Variants in CCDC201 observed in about 807,000 individuals in gnomAD.
CCDC201 encodes the protein coiled-coil domain-containing protein 201.
At chr7:45,863,398 T>TG (rs977115463) in intron 2 of CCDC201, among the ~76,000 whole-genome samples, 1 of 151,702 alleles carries the variant, frequency 6.6e-6, no homozygotes, top group African/African-American at 2.4e-5. Context: ...TATAGGTGAA[T>TG]GGGGTAAGGT....
intron 1 of CCDC201, among the ~76,000 whole-genome samples, chr7:45,868,740 C>T (rs1365695686): frequency 3.2e-4 from 48 of 152,226 alleles, no homozygotes; most frequent in Non-Finnish European, 2.1e-4. Context: ...TCCTCAACCA[C>T]CCTGCCCTCA....
chr7:45,864,280 G>A (rs1004706845), intron 2 of CCDC201, among the ~76,000 whole-genome samples: 3 of 152,286 alleles, frequency 2.0e-5, no homozygotes, highest in Non-Finnish European at 2.9e-5. Context: ...GCTGGGGGCC[G>A]CTGGGATGCT....
intron 2 of CCDC201, among the ~76,000 whole-genome samples, chr7:45,864,783 T>G (rs1425575610): frequency 1.3e-5 from 2 of 152,064 alleles, no homozygotes; most frequent in African/African-American, 4.8e-5. Flanking sequence ...GCAACTCTCC[T>G]AAAAAGTAGA....
the CCDC201 span, among the ~76,000 whole-genome samples, chr7:45,883,781 G>A: frequency 6.6e-6 from 1 of 152,056 alleles, no homozygotes; most frequent in Non-Finnish European, 1.5e-5. Context: ...AAGCTGCAGT[G>A]CATTTGTTAA....
upstream of CCDC201, among the ~76,000 whole-genome samples, chr7:45,876,249 A>C (rs1786798502): frequency 6.6e-6 from 1 of 152,196 alleles, no homozygotes; most frequent in Admixed American, 6.5e-5. Flanking sequence ...GGAAGAAAAC[A>C]GTAACTCAAA....
At chr7:45,875,369 C>A (rs1330643194), upstream of CCDC201, among the ~76,000 whole-genome samples, 1 of 148,118 alleles carries the variant, frequency 6.8e-6, no homozygotes, top group Non-Finnish European at 1.5e-5. Flanking sequence ...GTGGTGTGCA[C>A]TTGTAGTCCC....
At chr7:45,883,818 C>T in the CCDC201 span, among the ~76,000 whole-genome samples, 1 of 152,118 alleles carries the variant, frequency 6.6e-6, no homozygotes, top group Non-Finnish European at 1.5e-5. Flanking sequence ...TTTTCCCCCT[C>T]TACATCTTTG....
At chr7:45,884,533 C>T in the CCDC201 span, among the ~76,000 whole-genome samples, 1 of 152,188 alleles carries the variant, frequency 6.6e-6, no homozygotes, top group South Asian at 2.1e-4. Flanking sequence ...CCTGCCTGCT[C>T]CCCTGCCACT....
At chr7:45,867,291 T>A (rs1379154064) in intron 1 of CCDC201, among the ~76,000 whole-genome samples, 5 of 152,232 alleles carry the variant, frequency 3.3e-5, no homozygotes, top group African/African-American at 1.2e-4. Context: ...CTGGCCGATT[T>A]ACTACCAATG....
At chr7:45,884,101 CCTCT>C in the CCDC201 span, among the ~76,000 whole-genome samples, 135 of 114,230 alleles carry the variant, frequency 1.2e-3, no homozygotes, top group Non-Finnish European at 2.2e-3. Flanking sequence ...TTCTTTCTCT[CCTCT>C]CTCTCTTTCT....
intron 2 of CCDC201, among the ~76,000 whole-genome samples, chr7:45,864,777 C>G (rs1478021080): frequency 2.0e-5 from 3 of 152,110 alleles, no homozygotes; most frequent in African/African-American, 7.2e-5. Context: ...AACTGAGCAA[C>G]TCTCCTAAAA....
chr7:45,877,409 T>A (rs539535740), upstream of CCDC201, among the ~76,000 whole-genome samples: 1 of 152,362 alleles, frequency 6.6e-6, no homozygotes, highest in Admixed American at 6.5e-5. Context: ...AAAACTATTG[T>A]GTTAGTCTGT....
chr7:45,864,547 C>T (rs1160557280), intron 2 of CCDC201, among the ~76,000 whole-genome samples: 4 of 152,150 alleles, frequency 2.6e-5, no homozygotes, highest in Non-Finnish European at 4.4e-5. Flanking sequence ...CGGGGCTTTC[C>T]GTCAGCTCCC....
upstream of CCDC201, chr7:45,873,209 G>A (rs1218524034): frequency 1.3e-5 from 2 of 152,220 alleles, no homozygotes; most frequent in African/African-American, 4.8e-5. Flanking sequence ...TCTTCCCCTT[G>A]TTGGTTTCTG....
chr7:45,862,700 C>T (rs1161063320), exon 3 of CCDC201: 5 of 152,228 alleles, frequency 3.3e-5, no homozygotes, highest in Non-Finnish European at 5.9e-5. Context: ...GCCGCCCTCG[C>T]CTAGACATCA....
At chr7:45,860,788 T>C in exon 3 of CCDC201, 1 of 152,248 alleles carries the variant, frequency 6.6e-6, no homozygotes, top group Admixed American at 6.5e-5. Flanking sequence ...AGACTTGTTC[T>C]GTCTTTAGCT....
upstream of CCDC201, among the ~76,000 whole-genome samples, chr7:45,875,213 G>C (rs1004155572): frequency 6.6e-6 from 1 of 152,074 alleles, no homozygotes; most frequent in Non-Finnish European, 1.5e-5. Context: ...AATGACACAG[G>C]GTTGGGAACA....
At chr7:45,881,915 G>A in the CCDC201 span, among the ~76,000 whole-genome samples, 3 of 152,240 alleles carry the variant, frequency 2.0e-5, no homozygotes, top group South Asian at 6.2e-4. Flanking sequence ...GTGTGGGCGA[G>A]AGCTATTTTT....
intron 1 of CCDC201, among the ~76,000 whole-genome samples, chr7:45,867,911 C>T (rs751452843): frequency 6.6e-6 from 1 of 152,176 alleles, no homozygotes; most frequent in Middle Eastern, 3.2e-3. Flanking sequence ...TCTCTTAGAA[C>T]AAAGAGATAG....
Sources: allele counts gnomAD v4.1 joint callset (sites outside exome capture counted in the v4.1 genomes callset), GRCh38; gene constraint gnomAD v4.1.1; transcripts MANE v1.5; gene names NCBI Gene and HGNC (gene_info 2026-07-23, HGNC 2026-07-21).